Variants in RORA observed in about 807,000 individuals in gnomAD.
The protein encoded by RORA is RAR related orphan receptor A, also known as nuclear receptor ROR-alpha.
A neutral mutation model predicts 69.5 loss-of-function variants in RORA; 7 were observed. That is an observed-to-expected ratio of 0.10 (90% CI 0.06 to 0.19). The LOEUF is 0.19. RORA is among the 10% of genes least tolerant of loss of function. The pLI is 1.00. For synonymous variants in RORA, 261 were observed against 240.8 expected (o/e 1.08, Z -0.78); for missense variants, 457 against 663.0 (o/e 0.69, Z 3.41).
At position 60,629,187 on chromosome 15, in the gene RORA, C is replaced by CTTTTTTTTTTT. The variant is rs34687322; in HGVS notation, c.196+49459_196+49469dup. ...TGTTTATAAGGATTGACTGTTTATT[C>CTTTTTTTTTTT]TTTTTTTTTTTTTTTTTTGAAACAG... On this transcript the variant is annotated intron_variant, in intron 2 of 10. Transcript: ENST00000335670. Among the ~76,000 whole-genome samples the CTTTTTTTTTTT allele has an allele frequency of 3.4e-3, 377 of 112,008 alleles. 36 individuals are homozygous for CTTTTTTTTTTT. The highest frequency in any genetic ancestry group is 0.012 in the African/African-American group (324 of 26,990). 73.5% of individuals were successfully genotyped at this position (112,008 alleles called of 152,430 possible).
chr15:60,968,221 A>G (rs1045802821), intron 1 of RORA, among the ~76,000 whole-genome samples: 12 of 152,350 alleles, frequency 7.9e-5, no homozygotes, highest in Admixed American at 2.0e-4. Context: ...AGGGAGCCCC[A>G]GGACTGGAAA....
chr15:60,990,396 G>T (rs1157810148), intron 1 of RORA, among the ~76,000 whole-genome samples: 1 of 152,148 alleles, frequency 6.6e-6, no homozygotes, highest in Non-Finnish European at 1.5e-5. Flanking sequence ...GTAGAAAAAT[G>T]AGTAAATTTC....
At chr15:60,789,751 C>A (rs1429885850) in intron 1 of RORA, among the ~76,000 whole-genome samples, 1 of 152,124 alleles carries the variant, frequency 6.6e-6, no homozygotes, top group East Asian at 1.9e-4. Flanking sequence ...TTAGGAGAGG[C>A]CGGTGCAAAT....
chr15:60,501,461 A>G (rs2065329773), intron 8 of RORA, among the ~76,000 whole-genome samples: 1 of 152,158 alleles, frequency 6.6e-6, no homozygotes, highest in Admixed American at 6.5e-5. Context: ...TATTATCCCA[A>G]TTTTAGAGGT....
chr15:60,645,972 A>G (rs192351823), intron 2 of RORA, among the ~76,000 whole-genome samples: 6 of 152,324 alleles, frequency 3.9e-5, no homozygotes, highest in Non-Finnish European at 7.3e-5. Context: ...TCCGCACCAT[A>G]TGTGAGCATG....
At chr15:60,936,035 C>A (rs1244232828) in intron 1 of RORA, among the ~76,000 whole-genome samples, 1 of 152,190 alleles carries the variant, frequency 6.6e-6, no homozygotes, top group Non-Finnish European at 1.5e-5. Context: ...GTGGCCGGCC[C>A]TACAGTTACT....
chr15:61,026,920 A>G (rs2140430008), intron 1 of RORA, among the ~76,000 whole-genome samples: 1 of 152,240 alleles, frequency 6.6e-6, no homozygotes, highest in South Asian at 2.1e-4. Context: ...ATTCCATTTC[A>G]GTCAGAGGTG....
At chr15:60,998,090 G>A (rs1566938114) in intron 1 of RORA, among the ~76,000 whole-genome samples, 1 of 152,172 alleles carries the variant, frequency 6.6e-6, no homozygotes, top group Non-Finnish European at 1.5e-5. Context: ...AAATTTCAGA[G>A]GAAGTTCAGA....
intron 1 of RORA, among the ~76,000 whole-genome samples, chr15:60,917,273 A>G (rs1210876212): frequency 6.6e-6 from 1 of 152,170 alleles, no homozygotes; most frequent in African/African-American, 2.4e-5. Context: ...GGTTAATATA[A>G]TTATTGCTTT....
intron 2 of RORA, among the ~76,000 whole-genome samples, chr15:60,587,955 C>A (rs1164537560): frequency 1.3e-5 from 2 of 152,180 alleles, no homozygotes; most frequent in Non-Finnish European, 2.9e-5. Context: ...CATGTTCTAT[C>A]ATGTCACACA....
At chr15:61,036,335 C>T (rs1426486146) in intron 1 of RORA, among the ~76,000 whole-genome samples, 2 of 152,240 alleles carry the variant, frequency 1.3e-5, no homozygotes, top group East Asian at 3.9e-4. Context: ...TGCCTTGTTG[C>T]TATTAGATTG....
intron 1 of RORA, among the ~76,000 whole-genome samples, chr15:60,718,418 C>T (rs1010854417): frequency 2.0e-5 from 3 of 152,116 alleles, no homozygotes; most frequent in African/African-American, 7.2e-5. Context: ...ATGGTCACTC[C>T]TCACTTTTAA....
intron 1 of RORA, among the ~76,000 whole-genome samples, chr15:60,953,992 C>T (rs1196460314): frequency 1.3e-5 from 2 of 151,816 alleles, no homozygotes; most frequent in South Asian, 4.2e-4. Context: ...CACATGCACA[C>T]GTCTGTTTAT....
intron 1 of RORA, among the ~76,000 whole-genome samples, chr15:60,741,238 A>G (rs1315813647): frequency 6.6e-6 from 1 of 152,238 alleles, no homozygotes; most frequent in Admixed American, 6.5e-5. Context: ...CATGGTGCAC[A>G]GAGGACAGTG....
At chr15:60,961,698 G>T (rs542633394) in intron 1 of RORA, among the ~76,000 whole-genome samples, 1 of 152,174 alleles carries the variant, frequency 6.6e-6, no homozygotes, top group African/African-American at 2.4e-5. Context: ...TTAATCCACC[G>T]ATATATGTTG....
In RORA at chr15:61,065,374, G is replaced by A. The variant is rs138963967; in HGVS notation, c.166+163679C>T. 3.9e-5 allele frequency among the ~76,000 whole-genome samples: 6 copies of A among 152,132 alleles called. No individual in the cohort carries two copies. In the South Asian group the frequency reaches 6.2e-4, roughly 16 times the overall value. On this transcript the variant is annotated intron_variant, in intron 1 of 10. Transcript: ENST00000335670. ...AAGTTAAACTGCCATTTTCCCATGA[G>A]AGCCTTCCCTAACGTAAGTCAGTCC...
At chr15:60,846,850 A>T (rs1353230713) in intron 1 of RORA, among the ~76,000 whole-genome samples, 1 of 152,208 alleles carries the variant, frequency 6.6e-6, no homozygotes, top group Admixed American at 6.5e-5. Flanking sequence ...TATGCTTCTC[A>T]CATACTAGAC....
At chr15:61,047,918 C>A (rs1007221974) in intron 1 of RORA, among the ~76,000 whole-genome samples, 1 of 152,304 alleles carries the variant, frequency 6.6e-6, no homozygotes, top group South Asian at 2.1e-4. Flanking sequence ...CAGAACCATC[C>A]AAACCAAGAC....
intron 2 of RORA, among the ~76,000 whole-genome samples, chr15:60,583,005 C>A (rs2068235358): frequency 6.6e-6 from 1 of 152,204 alleles, no homozygotes; most frequent in Non-Finnish European, 1.5e-5. Context: ...AATGTACACT[C>A]ACAGAGACCA....
Sources: gnomAD v4.1 joint callset for allele counts (sites outside exome capture counted in the v4.1 genomes callset) on GRCh38, gnomAD v4.1.1 for gene constraint, MANE v1.5 for transcripts, NCBI Gene and HGNC (gene_info 2026-07-23, HGNC 2026-07-21) for gene names.